CACHD1: variants seen among roughly 807,000 people sequenced by gnomAD.
The protein encoded by CACHD1 is cache domain containing 1.
A neutral mutation model predicts 138.7 loss-of-function variants in CACHD1; 71 were observed. That is an observed-to-expected ratio of 0.51 (90% confidence interval 0.42 to 0.62). The LOEUF is 0.62. CACHD1 is among the 20% of genes least tolerant of loss of function. The pLI is 0.00. For synonymous variants in CACHD1, 578 were observed against 591.5 expected (o/e 0.98, Z 0.33); for missense variants, 1,389 against 1,625.3 (o/e 0.85, Z 2.50).
At position 64,567,291 on chromosome 1, in the gene CACHD1, G is replaced by A. The variant is rs553693067; in HGVS notation, c.262-14865G>A. ...TTGATATTTCTTGCTAATCTCTTGAGGGTGATGCCCTGATGGACTGTGGAT... is the reference window on the plus strand; with the variant it reads ...TTGATATTTCTTGCTAATCTCTTGAAGGTGATGCCCTGATGGACTGTGGAT... On this transcript the variant is annotated intron_variant, in intron 2 of 26. Transcript: ENST00000651257. 1.3e-3 allele frequency among the ~76,000 whole-genome samples: 195 copies of A among 151,678 alleles called. 2 individuals are homozygous for A. In the Middle Eastern group the frequency reaches 0.014, roughly 11 times the overall value.
intron 3 of CACHD1, among the ~76,000 whole-genome samples, chr1:64,590,136 T>A (rs1043629513): frequency 5.3e-5 from 8 of 151,772 alleles, no homozygotes; most frequent in Non-Finnish European, 1.2e-4. Flanking sequence ...TAAAAACCCG[T>A]CTCTACTAAA....
chr1:64,516,756 C>T (rs1043451422), intron 1 of CACHD1, among the ~76,000 whole-genome samples: 43 of 152,174 alleles, frequency 2.8e-4, no homozygotes, highest in African/African-American at 1.0e-3. Context: ...TACCATAAAG[C>T]ATATTCTATA....
chr1:64,610,207 T>C (rs1647480097), intron 4 of CACHD1, among the ~76,000 whole-genome samples: 1 of 152,194 alleles, frequency 6.6e-6, no homozygotes, highest in Admixed American at 6.5e-5. Flanking sequence ...AGATGAGATT[T>C]AGGTGGGGAC....
intron 10 of CACHD1, among the ~76,000 whole-genome samples, chr1:64,653,039 T>G (rs1308727182): frequency 6.6e-6 from 1 of 152,172 alleles, no homozygotes; most frequent in Non-Finnish European, 1.5e-5. Context: ...GTGGTACATA[T>G]GGAATACTAT....
intron 8 of CACHD1, among the ~76,000 whole-genome samples, chr1:64,643,659 A>T (rs1393306424): frequency 6.6e-6 from 1 of 152,084 alleles, no homozygotes; most frequent in African/African-American, 2.4e-5. Flanking sequence ...ACACGGTGAA[A>T]CCCCATCTCT....
intron 16 of CACHD1, among the ~76,000 whole-genome samples, chr1:64,666,494 T>G (rs1256163881): frequency 1.3e-5 from 2 of 152,136 alleles, no homozygotes; most frequent in Admixed American, 1.3e-4. Context: ...TGAAGAAATA[T>G]CCACTTTAAA....
chr1:64,507,455 G>C (rs558169566), intron 1 of CACHD1, among the ~76,000 whole-genome samples: 1 of 152,158 alleles, frequency 6.6e-6, no homozygotes, highest in Non-Finnish European at 1.5e-5. Flanking sequence ...TGAGATGAAA[G>C]GTGATGTTTT....
At chr1:64,493,603 G>A (rs187676376) in intron 1 of CACHD1, among the ~76,000 whole-genome samples, 2 of 152,326 alleles carry the variant, frequency 1.3e-5, no homozygotes, top group Admixed American at 1.3e-4. Flanking sequence ...AACAATGCAA[G>A]TGGAGGAAAG....
chr1:64,470,741 C>G lies in CACHD1; in HGVS notation c.-4C>G. The G allele has an allele frequency of 9.5e-6, 6 of 630,716 alleles. No homozygotes were observed. The Middle Eastern group carries it at 1.3e-3, about 137-fold the overall frequency. The allele number at this position is 630,716 out of a possible 1,614,324, so 39.1% of individuals were successfully genotyped here. A position where few individuals can be genotyped will look rare whatever the true frequency, so the allele number is the denominator to read the frequency against. ...CCCGTCGGCGGGGAGTGGGGGGAGG[C>G]AGCATGGCCCGCCAGCCGGAGGAAG... is the stretch of plus-strand genomic sequence containing the variant. On this transcript the variant is annotated 5_prime_UTR_variant, in exon 1 of 27. Coordinates refer to ENST00000651257, the MANE Select transcript of CACHD1 (RefSeq NM_020925.4). The surrounding 1 kb of genome is among the most constrained non-coding windows in gnomAD (Gnocchi z 5.2).
intron 1 of CACHD1, among the ~76,000 whole-genome samples, chr1:64,478,987 A>G (rs187565091): frequency 5.9e-5 from 9 of 152,274 alleles, no homozygotes; most frequent in Non-Finnish European, 8.8e-5. Context: ...AAAAAAAAAA[A>G]AAAGAAAAAC....
At chr1:64,625,001 T>A (rs1363357871) in intron 4 of CACHD1, among the ~76,000 whole-genome samples, 1 of 152,206 alleles carries the variant, frequency 6.6e-6, no homozygotes, top group Non-Finnish European at 1.5e-5. Context: ...AATGTCTATG[T>A]CTGCCCTCTC....
chr1:64,561,951 A>G (rs1646843676), intron 2 of CACHD1, among the ~76,000 whole-genome samples: 1 of 150,286 alleles, frequency 6.7e-6, no homozygotes. Context: ...TGTTTTTTGA[A>G]CACTTTAAAA....
intron 2 of CACHD1, chr1:64,579,771 C>G (rs1646997243): frequency 6.5e-6 from 1 of 153,842 alleles, no homozygotes; most frequent in African/African-American, 2.4e-5. Context: ...AATATTTTTT[C>G]TATGTCTATA....
intron 1 of CACHD1, among the ~76,000 whole-genome samples, chr1:64,484,477 A>G (rs962700027): frequency 2.0e-5 from 3 of 152,162 alleles, no homozygotes; most frequent in Non-Finnish European, 2.9e-5. Context: ...TTCCTCTTCA[A>G]TTCAGGTATA....
At chr1:64,516,401 G>A (rs1646459587) in intron 1 of CACHD1, among the ~76,000 whole-genome samples, 1 of 152,078 alleles carries the variant, frequency 6.6e-6, no homozygotes, top group Admixed American at 6.6e-5. Flanking sequence ...CTCTAGACTT[G>A]GAACCTGTCG....
At chr1:64,622,568 T>C (rs1041116930) in intron 4 of CACHD1, among the ~76,000 whole-genome samples, 5 of 152,250 alleles carry the variant, frequency 3.3e-5, no homozygotes, top group African/African-American at 9.6e-5. Context: ...TATATATTTA[T>C]TCTGCCTCTC....
intron 2 of CACHD1, among the ~76,000 whole-genome samples, chr1:64,553,006 A>C (rs1257395770): frequency 1.3e-5 from 2 of 149,676 alleles, no homozygotes; most frequent in Non-Finnish European, 3.0e-5. Flanking sequence ...CATCCTCTGG[A>C]AGAACACTTA....
intron 23 of CACHD1, among the ~76,000 whole-genome samples, chr1:64,678,645 G>A (rs1019071053): frequency 3.3e-5 from 5 of 152,160 alleles, no homozygotes; most frequent in Admixed American, 3.3e-4. Context: ...GGCCGTGTAC[G>A]GAGTGACCAC....
At chr1:64,528,470 A>T (rs1166582335) in intron 1 of CACHD1, among the ~76,000 whole-genome samples, 1 of 152,242 alleles carries the variant, frequency 6.6e-6, no homozygotes, top group Admixed American at 6.5e-5. Context: ...TGAAGATGAC[A>T]TTATATATTT....
Sources: allele counts gnomAD v4.1 joint callset (sites outside exome capture counted in the v4.1 genomes callset), GRCh38; gene constraint gnomAD v4.1.1; non-coding constraint Gnocchi (gnomAD v3.1); transcripts MANE v1.5; gene names NCBI Gene and HGNC (gene_info 2026-07-23, HGNC 2026-07-21).